The following ADAMTS19 variants were observed in gnomAD, a reference collection of about 807,000 sequenced individuals.
ADAMTS19 encodes the protein A disintegrin and metalloproteinase with thrombospondin motifs 19.
Under a neutral mutation model 153.3 loss-of-function variants are expected in ADAMTS19, and 93 were observed. The ratio of observed to expected loss-of-function variants is 0.61; its 90% CI spans 0.51 to 0.72. The LOEUF (loss-of-function observed/expected upper bound fraction) is 0.72, where lower values mean the gene tolerates loss of function less well. Ranked by LOEUF, ADAMTS19 falls within the 30% of genes least tolerant of loss-of-function variation. ADAMTS19 has a pLI of 0.00. For missense variants in ADAMTS19, 1,482 were observed against 1,552.1 expected (o/e 0.95, Z 0.76); for synonymous variants, 600 against 556.6 (o/e 1.08, Z -1.10).
chr5:129,684,020 C>T lies in ADAMTS19; in HGVS notation c.2665-100C>T, dbSNP rs1164967019. The T allele has an allele frequency of 5.4e-6, 7 of 1,294,418 alleles. No individual in the cohort carries two copies. In the Admixed American group the frequency reaches 1.5e-4, roughly 28 times the overall value. 80.2% of individuals were successfully genotyped at this position (1,294,418 alleles called of 1,614,324 possible). On this transcript the variant is annotated intron_variant, in intron 17 of 22. Coordinates refer to ENST00000274487, the MANE Select transcript of ADAMTS19 (RefSeq NM_133638.6). The stretch of plus-strand genomic sequence containing the variant: ...AACAACAACAACAAAATGCACACAA[C>T]ACAATGAGCATTTTAAGTATCAATA...
At chr5:129,464,002 G>A (rs1226177828) in intron 2 of ADAMTS19, among the ~76,000 whole-genome samples, 1 of 152,068 alleles carries the variant, frequency 6.6e-6, no homozygotes, top group Admixed American at 6.6e-5. Flanking sequence ...GGAGAGGTGG[G>A]GAATGCTTCC....
chr5:129,584,667 T>G (rs2126893139), intron 7 of ADAMTS19, among the ~76,000 whole-genome samples: 1 of 152,242 alleles, frequency 6.6e-6, no homozygotes, highest in South Asian at 2.1e-4. Flanking sequence ...TATGCTGAGT[T>G]TGAACTTCCT....
intron 7 of ADAMTS19, among the ~76,000 whole-genome samples, chr5:129,570,881 A>G (rs1753877089): frequency 6.6e-6 from 1 of 151,884 alleles, no homozygotes; most frequent in South Asian, 2.1e-4. Context: ...TTCATGGTTT[A>G]AAAAACTCTC....
rs748371915 is a variant in ADAMTS19 at position 129,578,041 on chromosome 5, TACACACACACACAC to T, written c.1373-18492_1373-18479del. Among the ~76,000 whole-genome samples, 14 of 98,612 alleles carry T rather than the reference TACACACACACACAC, an allele frequency of 1.4e-4. No homozygotes were observed. In the South Asian group the frequency reaches 2.6e-3, roughly 18 times the overall value. 64.7% of individuals were successfully genotyped at this position (98,612 alleles called of 152,430 possible). A position where few individuals can be genotyped will look rare whatever the true frequency, so the allele number is the denominator to read the frequency against. On this transcript the variant is annotated intron_variant, in intron 7 of 22. Transcript: ENST00000274487. ...GAATTTATTGATTTTCAAACTTACA[TACACACACACACAC>T]ACACACACACACACACACACACACA... is the stretch of plus-strand genomic sequence containing the variant.
intron 2 of ADAMTS19, among the ~76,000 whole-genome samples, chr5:129,490,779 C>T (rs1214623164): frequency 6.6e-6 from 1 of 151,982 alleles, no homozygotes; most frequent in Non-Finnish European, 1.5e-5. Context: ...TCTCAGTTAT[C>T]TTTGTAAAAC....
chr5:129,661,661 T>C (rs1448497927), intron 15 of ADAMTS19, among the ~76,000 whole-genome samples: 2 of 152,224 alleles, frequency 1.3e-5, no homozygotes, highest in Non-Finnish European at 2.9e-5. Context: ...TCCTTAATAC[T>C]TTATCATGTC....
At chr5:129,536,244 G>A (rs1752417882) in intron 6 of ADAMTS19, among the ~76,000 whole-genome samples, 1 of 152,092 alleles carries the variant, frequency 6.6e-6, no homozygotes, top group African/African-American at 2.4e-5. Flanking sequence ...ATCAAAAAGT[G>A]GGCAAAGTAT....
rs201543978 is a variant in ADAMTS19 at position 129,522,287 on chromosome 5, ATG to A, written c.914-3985_914-3984del. Among the ~76,000 whole-genome samples, 123 of 124,490 alleles carry A rather than the reference ATG, an allele frequency of 9.9e-4. 1 individual carries two copies. Among genetic ancestry groups the A allele is most frequent in the African/African-American group, 3.1e-3 (99 of 31,642 alleles). The allele number at this position is 124,490 out of a possible 152,430, so 81.7% of individuals were successfully genotyped here. On this transcript the variant is annotated intron_variant, in intron 3 of 22. Coordinates refer to ENST00000274487, the MANE Select transcript of ADAMTS19 (RefSeq NM_133638.6). ...AAACAACATATGTATGCGTAGTTGT[ATG>A]TGTGTGTGTGTATATATATATATAT...
At chr5:129,652,293 A>G (rs1246053497) in intron 13 of ADAMTS19, among the ~76,000 whole-genome samples, 1 of 152,218 alleles carries the variant, frequency 6.6e-6, no homozygotes, top group Non-Finnish European at 1.5e-5. Flanking sequence ...GAAATACACA[A>G]TTCTTTTAAA....
At position 129,658,670 on chromosome 5, in the gene ADAMTS19, T is replaced by C. The variant is rs2127067386; in HGVS notation, c.2358T>C (p.Gly786=). 1.2e-6 allele frequency: 2 copies of C among 1,613,508 alleles called. No homozygotes were observed. Among genetic ancestry groups the C allele is most frequent in the East Asian group, 2.2e-5 (1 of 44,784 alleles). ...CTCTTGCAAGAGAAGATCATTGTGGTGTATGCAATGGCAATGGAAAATCAT... is the reference window on the plus strand; with the variant it reads ...CTCTTGCAAGAGAAGATCATTGTGGCGTATGCAATGGCAATGGAAAATCAT... ...LGSLAREDHC[G]VCNGNGKSCK... is the part of the protein sequence containing the mutation. The change falls in exon 15 of 23, where the codon GGT becomes GGC. Residue 786 remains glycine, a synonymous_variant. Transcript: ENST00000274487.
chr5:129,706,399 GTC>G (rs1185260067), intron 21 of ADAMTS19, among the ~76,000 whole-genome samples: 2 of 151,894 alleles, frequency 1.3e-5, no homozygotes, highest in Non-Finnish European at 2.9e-5. Context: ...GAGAAACCCC[GTC>G]TCTACTGAAA....
intron 6 of ADAMTS19, among the ~76,000 whole-genome samples, chr5:129,538,983 GT>G (rs1476714219): frequency 6.6e-6 from 1 of 152,032 alleles, no homozygotes. Context: ...GGTAATCAAT[GT>G]TAAGAGTTGG....
At chr5:129,564,870 G>A (rs1753650328) in intron 7 of ADAMTS19, among the ~76,000 whole-genome samples, 1 of 152,008 alleles carries the variant, frequency 6.6e-6, no homozygotes, top group South Asian at 2.1e-4. Context: ...ATTGGGCCTG[G>A]GCATGACATT....
intron 2 of ADAMTS19, among the ~76,000 whole-genome samples, chr5:129,502,070 T>C (rs1213355344): frequency 2.6e-5 from 4 of 151,894 alleles, no homozygotes; most frequent in African/African-American, 7.3e-5. Flanking sequence ...TATAAAACCA[T>C]TGAGTGTGAT....
chr5:129,535,093 G>A (rs1447300885), intron 6 of ADAMTS19, among the ~76,000 whole-genome samples: 4 of 152,118 alleles, frequency 2.6e-5, no homozygotes, highest in Non-Finnish European at 4.4e-5. Flanking sequence ...GAAATAAAGG[G>A]CATTCAATTA....
chr5:129,589,261 T>A (rs191613547), intron 7 of ADAMTS19, among the ~76,000 whole-genome samples: 1 of 152,064 alleles, frequency 6.6e-6, no homozygotes, highest in Non-Finnish European at 1.5e-5. Flanking sequence ...GCCAGTTTTC[T>A]TGTATTTGCC....
At chr5:129,610,480 C>G (rs1751150925) in intron 8 of ADAMTS19, among the ~76,000 whole-genome samples, 1 of 152,036 alleles carries the variant, frequency 6.6e-6, no homozygotes, top group South Asian at 2.1e-4. Flanking sequence ...TGATGTTCCC[C>G]TTCCTGTGTC....
In ADAMTS19 at chr5:129,513,487, C is replaced by T. The variant is rs142724353; in HGVS notation, c.913+4245C>T. Among the ~76,000 whole-genome samples the T allele has an allele frequency of 2.1e-3, 325 of 151,934 alleles. 2 individuals carry two copies. The highest frequency in any genetic ancestry group is 7.2e-3 in the African/African-American group (299 of 41,458). ...CTCCAGCTTGGGTGACAGAGTGAGA[C>T]CCGATCTCATCTCTAAAAGAAAAAA... is the stretch of plus-strand genomic sequence containing the variant. On this transcript the variant is annotated intron_variant, in intron 3 of 22. Coordinates refer to ENST00000274487, the MANE Select transcript of ADAMTS19 (RefSeq NM_133638.6).
chr5:129,574,719 T>A lies in ADAMTS19; in HGVS notation c.1373-21840T>A, dbSNP rs147595212. 3.4e-3 allele frequency among the ~76,000 whole-genome samples: 516 copies of A among 152,140 alleles called. 3 individuals are homozygous for A. The highest frequency in any genetic ancestry group is 0.012 in the African/African-American group (499 of 41,526). On this transcript the variant is annotated intron_variant, in intron 7 of 22. Coordinates refer to ENST00000274487, the MANE Select transcript of ADAMTS19 (RefSeq NM_133638.6). ...GTTTTGCTTATACAATTTGATGAGT[T>A]TGGATGTATATATAAATTCTTAAAA...
Sources: gnomAD v4.1 joint callset for allele counts (sites outside exome capture counted in the v4.1 genomes callset) on GRCh38, gnomAD v4.1.1 for gene constraint, MANE v1.5 for transcripts, NCBI Gene and HGNC (gene_info 2026-07-23, HGNC 2026-07-21) for gene names.